Variants in RBFOX1 observed in about 807,000 individuals in gnomAD.
RBFOX1 encodes RNA binding protein fox-1 homolog 1.
RBFOX1 carries 8 observed loss-of-function variants against 57.7 expected under a neutral mutation model. The ratio of observed to expected loss-of-function variants is 0.14; its 90% CI spans 0.08 to 0.25. RBFOX1 has a LOEUF of 0.25. RBFOX1 is among the 10% of genes least tolerant of loss of function. RBFOX1 has a pLI of 1.00. For missense variants in RBFOX1, 611 were observed against 548.5 expected (o/e 1.11, Z -1.14); for synonymous variants, 326 against 222.4 (o/e 1.47, Z -4.15).
At chr16:6,957,116 T>TTTATTTATTTA (rs1555677709) in intron 3 of RBFOX1, among the ~76,000 whole-genome samples, 9 of 139,244 alleles carry the variant, frequency 6.5e-5, no homozygotes, top group African/African-American at 2.2e-4. Flanking sequence ...TTATTTTTAT[T>TTTATTTATTTA]TTTATTTATT....
At chr16:6,977,825 T>C (rs1446823336) in intron 3 of RBFOX1, among the ~76,000 whole-genome samples, 1 of 151,818 alleles carries the variant, frequency 6.6e-6, no homozygotes, top group Admixed American at 6.6e-5. Context: ...CTTTGGCTTA[T>C]TTGCAGTATC....
chr16:6,003,137 G>A lies in RBFOX1; in HGVS notation c.351+135802G>A, dbSNP rs570481398. Among the ~76,000 whole-genome samples, 5 of 152,198 alleles carry A rather than the reference G, an allele frequency of 3.3e-5. No homozygotes were observed. In the East Asian group the frequency reaches 7.8e-4, roughly 24 times the overall value. On this transcript the variant is annotated intron_variant, in intron 4 of 19. Transcript: ENST00000641259. ...TACTAAAAATACAAAAAATTAGCTG[G>A]GCGTGGTGGCGGGCGGTTGTAGTCC...
At chr16:5,699,902 C>T (rs894868878) in intron 3 of RBFOX1, among the ~76,000 whole-genome samples, 105 of 152,234 alleles carry the variant, frequency 6.9e-4, no homozygotes, top group Non-Finnish European at 4.9e-4. Flanking sequence ...GGTGCGATCT[C>T]GGCTCACTGC....
chr16:6,364,666 A>T (rs925688747), intron 2 of RBFOX1, among the ~76,000 whole-genome samples: 9 of 152,234 alleles, frequency 5.9e-5, no homozygotes, highest in African/African-American at 2.2e-4. Context: ...TTCAAATGTG[A>T]TGTGTTTTAT....
Position 5,368,749 on chromosome 16 carries a change from C to T in RBFOX1, c.220-98467C>T, listed in dbSNP as rs181686515. 2.4e-3 allele frequency among the ~76,000 whole-genome samples: 370 copies of T among 152,174 alleles called. 2 individuals are homozygous for T. The highest frequency in any genetic ancestry group is 8.5e-3 in the African/African-American group (352 of 41,572). Reference sequence around the variant, plus strand: ...ATGGTTTCATAGTGACCTCTCTAAGCAGGGGGTCTCAGCGTTGATTTTTTC... The same window carrying T: ...ATGGTTTCATAGTGACCTCTCTAAGTAGGGGGTCTCAGCGTTGATTTTTTC... On this transcript the variant is annotated intron_variant, in intron 1 of 2. Transcript: ENST00000585867.
chr16:7,604,157 T>A (rs551610481), intron 9 of RBFOX1, among the ~76,000 whole-genome samples: 6 of 152,268 alleles, frequency 3.9e-5, no homozygotes, highest in African/African-American at 1.2e-4. Context: ...TAGATAGATA[T>A]GCCATTTGCT....
chr16:5,266,237 G>A (rs1313698173), intron 1 of RBFOX1, among the ~76,000 whole-genome samples: 1 of 152,180 alleles, frequency 6.6e-6, no homozygotes, highest in Non-Finnish European at 1.5e-5. Context: ...TGTTGTATGT[G>A]TGGGGGTTCC....
At chr16:6,542,785 C>T (rs1033167075) in intron 2 of RBFOX1, among the ~76,000 whole-genome samples, 1 of 152,048 alleles carries the variant, frequency 6.6e-6, no homozygotes. Flanking sequence ...AACCACTGCG[C>T]CCGGCCGGGA....
intron 3 of RBFOX1, among the ~76,000 whole-genome samples, chr16:6,967,471 T>A (rs1401197279): frequency 1.3e-5 from 2 of 152,058 alleles, no homozygotes; most frequent in Admixed American, 1.3e-4. Context: ...GGGCAGTGGA[T>A]AGGATAGGAG....
At chr16:6,950,488 G>A (rs1412037988) in intron 3 of RBFOX1, among the ~76,000 whole-genome samples, 1 of 152,156 alleles carries the variant, frequency 6.6e-6, no homozygotes, top group Non-Finnish European at 1.5e-5. Context: ...AATGTTTGAT[G>A]ACCTGAATTG....
chr16:6,878,022 T>C (rs1322843378), intron 3 of RBFOX1, among the ~76,000 whole-genome samples: 1 of 152,066 alleles, frequency 6.6e-6, no homozygotes. Context: ...TTTAAGGATG[T>C]TGTTGCCTCT....
intron 4 of RBFOX1, among the ~76,000 whole-genome samples, chr16:7,062,345 A>G (rs369247938): frequency 5.4e-5 from 8 of 147,968 alleles, no homozygotes; most frequent in African/African-American, 2.0e-4. Context: ...AAAAGAAAAG[A>G]AAAAAGGAAA....
At chr16:7,344,716 A>C (rs1339062771) in intron 4 of RBFOX1, among the ~76,000 whole-genome samples, 3 of 152,184 alleles carry the variant, frequency 2.0e-5, no homozygotes, top group Non-Finnish European at 4.4e-5. Flanking sequence ...AGGCTCAGCA[A>C]AGTGGAACAA....
At chr16:7,584,993 C>G (rs546664926) in intron 6 of RBFOX1, among the ~76,000 whole-genome samples, 22 of 152,302 alleles carry the variant, frequency 1.4e-4, no homozygotes, top group African/African-American at 5.3e-4. Context: ...TCAATCAGAT[C>G]TTATTTTAAA....
chr16:6,666,571 C>G (rs1349709254), intron 3 of RBFOX1, among the ~76,000 whole-genome samples: 1 of 150,476 alleles, frequency 6.6e-6, no homozygotes, highest in Non-Finnish European at 1.5e-5. Context: ...AATCATGTCA[C>G]TGAGGTCACC....
intron 3 of RBFOX1, among the ~76,000 whole-genome samples, chr16:5,759,012 C>G (rs540800040): frequency 6.6e-6 from 1 of 152,168 alleles, no homozygotes; most frequent in Admixed American, 6.5e-5. Flanking sequence ...GTGAGTTTCA[C>G]GACTTTGAGC....
At chr16:6,789,658 T>C (rs1387204700) in intron 3 of RBFOX1, among the ~76,000 whole-genome samples, 1 of 152,336 alleles carries the variant, frequency 6.6e-6, no homozygotes, top group Admixed American at 6.5e-5. Context: ...TGGTGTGAGT[T>C]GTCTGTTTCT....
At chr16:7,657,062 A>C (rs1397903121) in intron 12 of RBFOX1, among the ~76,000 whole-genome samples, 1 of 152,134 alleles carries the variant, frequency 6.6e-6, no homozygotes, top group Admixed American at 6.5e-5. Context: ...CTGCCAACCT[A>C]AATCTGTTCT....
intron 4 of RBFOX1, among the ~76,000 whole-genome samples, chr16:7,127,576 ATG>A (rs1262251704): frequency 6.6e-6 from 1 of 152,180 alleles, no homozygotes; most frequent in Non-Finnish European, 1.5e-5. Flanking sequence ...TGTGTGGGGA[ATG>A]TGTACATTCT....
Sources: allele counts gnomAD v4.1 joint callset (sites outside exome capture counted in the v4.1 genomes callset), GRCh38; gene constraint gnomAD v4.1.1; transcripts MANE v1.5; gene names NCBI Gene and HGNC (gene_info 2026-07-23, HGNC 2026-07-21).